The following PLCB4 variants were observed in gnomAD, a reference collection of about 807,000 sequenced individuals.
PLCB4 encodes phospholipase C beta 4, also known as 1-phosphatidylinositol 4,5-bisphosphate phosphodiesterase beta-4.
A neutral mutation model predicts 178.8 loss-of-function variants in PLCB4; 77 were observed. The ratio of observed to expected loss-of-function variants is 0.43; its 90% confidence interval spans 0.36 to 0.52. The LOEUF is 0.52. Ranked by LOEUF, PLCB4 falls within the 20% of genes least tolerant of loss-of-function variation. PLCB4 has a pLI of 0.00. For missense variants in PLCB4, 1,024 were observed against 1,453.4 expected (o/e 0.70, Z 4.80); for synonymous variants, 496 against 490.8 (o/e 1.01, Z -0.14).
At chr20:9,395,963 G>A (rs77994093) in intron 19 of PLCB4, among the ~76,000 whole-genome samples, 3,018 of 152,272 alleles carry the variant, frequency 0.02, 108 homozygotes, top group African/African-American at 0.068. Context: ...ACAACAGACT[G>A]AGGCCTTGTT....
At chr20:9,378,293 A>G (rs1602223515) in intron 12 of PLCB4, among the ~76,000 whole-genome samples, 1 of 152,334 alleles carries the variant, frequency 6.6e-6, no homozygotes, top group East Asian at 1.9e-4. Context: ...AGGAAGATAA[A>G]TAAAGTGGCC....
chr20:9,361,963 A>G (rs2035373827), intron 7 of PLCB4, among the ~76,000 whole-genome samples: 1 of 152,228 alleles, frequency 6.6e-6, no homozygotes, highest in Non-Finnish European at 1.5e-5. Context: ...CATACTAGAC[A>G]GTGCATATAG....
chr20:9,387,048 C>A (rs1350085688), intron 14 of PLCB4, among the ~76,000 whole-genome samples: 3 of 151,860 alleles, frequency 2.0e-5, no homozygotes, highest in African/African-American at 7.3e-5. Flanking sequence ...CCCAAGTAGC[C>A]ATCACACCTG....
chr20:9,375,450 T>C (rs1974112193), intron 12 of PLCB4, among the ~76,000 whole-genome samples: 1 of 152,184 alleles, frequency 6.6e-6, no homozygotes, highest in African/African-American at 2.4e-5. Flanking sequence ...TGGAAGCCCC[T>C]GTGAAGGTTC....
chr20:9,319,689 C>A (rs1024524073), intron 4 of PLCB4, among the ~76,000 whole-genome samples: 6 of 152,148 alleles, frequency 3.9e-5, no homozygotes, highest in African/African-American at 1.4e-4. Flanking sequence ...TTCATTCTTC[C>A]TCCACCATTT....
intron 23 of PLCB4, 81 bp from the exon 24 acceptor site, chr20:9,408,976 A>C (rs573871542): frequency 7.8e-7 from 1 of 1,274,788 alleles, no homozygotes; most frequent in Admixed American, 2.2e-5. Flanking sequence ...GTTGGCCTAG[A>C]CCTTTGTTGT....
intron 3 of PLCB4, among the ~76,000 whole-genome samples, chr20:9,293,112 A>C (rs1264093520): frequency 6.6e-6 from 1 of 151,600 alleles, no homozygotes; most frequent in Admixed American, 6.6e-5. Context: ...AGAGACACCC[A>C]GAGAGAGACA....
intron 3 of PLCB4, among the ~76,000 whole-genome samples, chr20:9,296,104 C>T (rs1467623670): frequency 3.9e-5 from 6 of 152,036 alleles, no homozygotes; most frequent in African/African-American, 1.2e-4. Flanking sequence ...TTGCAATCTG[C>T]TCATCTGACA....
intron 4 of PLCB4, among the ~76,000 whole-genome samples, chr20:9,313,823 C>T (rs185147358): frequency 1.3e-5 from 2 of 152,330 alleles, no homozygotes; most frequent in Admixed American, 1.3e-4. Flanking sequence ...TCTAGGCTTT[C>T]AGCATGTGGC....
intron 19 of PLCB4, 84 bp downstream of exon 19, chr20:9,395,702 G>A: frequency 1.0e-6 from 1 of 986,160 alleles, no homozygotes; most frequent in South Asian, 1.4e-5. Flanking sequence ...AGTGGCTCAA[G>A]CCCATAATCC....
At chr20:9,158,977 ATGT>A (rs1338076022) in intron 2 of PLCB4, among the ~76,000 whole-genome samples, 1 of 152,206 alleles carries the variant, frequency 6.6e-6, no homozygotes, top group South Asian at 2.1e-4. Flanking sequence ...AAATACAAAG[ATGT>A]TGTACTGTTT....
chr20:9,323,188 A>G (rs922191786), intron 4 of PLCB4, among the ~76,000 whole-genome samples: 1 of 152,106 alleles, frequency 6.6e-6, no homozygotes, highest in East Asian at 1.9e-4. Context: ...GGGCCTTTAC[A>G]CTTGCTGTTC....
chr20:9,272,179 G>T (rs113872282), intron 3 of PLCB4, among the ~76,000 whole-genome samples: 1 of 146,332 alleles, frequency 6.8e-6, no homozygotes, highest in Non-Finnish European at 1.5e-5. Context: ...CCCTGCCCAC[G>T]CACCCCCCTC....
intron 4 of PLCB4, among the ~76,000 whole-genome samples, chr20:9,332,037 C>T (rs1044185370): frequency 2.6e-5 from 4 of 152,298 alleles, no homozygotes; most frequent in Non-Finnish European, 1.5e-5. Context: ...AGCTCTAAGG[C>T]GTGACTGATG....
intron 7 of PLCB4, among the ~76,000 whole-genome samples, chr20:9,349,258 C>T (rs1343839482): frequency 6.6e-6 from 1 of 152,094 alleles, no homozygotes; most frequent in African/African-American, 2.4e-5. Flanking sequence ...TCATCACCCT[C>T]AAAGGAAACT....
intron 33 of PLCB4, among the ~76,000 whole-genome samples, chr20:9,454,871 C>T (rs2042966364): frequency 6.6e-6 from 1 of 152,164 alleles, no homozygotes; most frequent in Non-Finnish European, 1.5e-5. Context: ...TATTGAGCAT[C>T]TGTTATTATG....
intron 3 of PLCB4, among the ~76,000 whole-genome samples, chr20:9,239,341 A>G (rs899735744): frequency 1.3e-5 from 2 of 152,188 alleles, no homozygotes; most frequent in South Asian, 4.1e-4. Flanking sequence ...ATGTCAGTAT[A>G]GATTGCATTA....
intron 7 of PLCB4, among the ~76,000 whole-genome samples, chr20:9,345,968 A>G (rs1328065406): frequency 6.6e-6 from 1 of 152,140 alleles, no homozygotes; most frequent in East Asian, 1.9e-4. Context: ...TCACTAAAAA[A>G]AAAATTGATT....
intron 7 of PLCB4, among the ~76,000 whole-genome samples, chr20:9,343,244 A>G (rs2033434744): frequency 6.6e-6 from 1 of 151,972 alleles, no homozygotes. Context: ...AGATCTGACC[A>G]TTTGGAATAA....
Sources: allele counts gnomAD v4.1 joint callset (sites outside exome capture counted in the v4.1 genomes callset), GRCh38; gene constraint gnomAD v4.1.1; transcripts MANE v1.5; gene names NCBI Gene and HGNC (gene_info 2026-07-23, HGNC 2026-07-21).